The following CACNA2D3 variants were observed in gnomAD, a reference collection of about 807,000 sequenced individuals.
The protein encoded by CACNA2D3 is voltage-dependent calcium channel subunit alpha-2/delta-3.
Under a neutral mutation model 160.6 loss-of-function variants are expected in CACNA2D3, and 60 were observed. The ratio of observed to expected loss-of-function variants is 0.37; its 90% CI spans 0.30 to 0.46. The LOEUF is 0.46. Among genes scored for constraint, CACNA2D3 ranks in the 20% least tolerant of loss-of-function variants. The pLI is 1.00. For synonymous variants in CACNA2D3, 558 were observed against 492.9 expected, an observed-to-expected ratio of 1.13 and a Z score of -1.75; for missense variants, 1,205 against 1,365.0, an observed-to-expected ratio of 0.88 and a Z score of 1.85.
chr3:54,601,282 C>T (rs1280154827), intron 9 of CACNA2D3, among the ~76,000 whole-genome samples: 1 of 152,198 alleles, frequency 6.6e-6, no homozygotes, highest in African/African-American at 2.4e-5. Context: ...TAGCTCACTA[C>T]AGACTCAAAC....
chr3:54,777,920 A>G (rs1264269924), intron 13 of CACNA2D3, among the ~76,000 whole-genome samples: 1 of 152,208 alleles, frequency 6.6e-6, no homozygotes, highest in African/African-American at 2.4e-5. Flanking sequence ...AGTTTTCATA[A>G]ATAATTGAGC....
chr3:54,172,116 G>T (rs1700584943), intron 2 of CACNA2D3, among the ~76,000 whole-genome samples: 1 of 152,178 alleles, frequency 6.6e-6, no homozygotes, highest in Admixed American at 6.5e-5. Flanking sequence ...TGTTTGCCCT[G>T]CAGGTCTGCC....
intron 4 of CACNA2D3, among the ~76,000 whole-genome samples, chr3:54,463,863 C>T (rs987939376): frequency 3.3e-5 from 5 of 151,980 alleles, no homozygotes; most frequent in African/African-American, 1.2e-4. Context: ...TTTAGAGTTT[C>T]CAGTTTTTCT....
chr3:54,805,056 A>G lies in CACNA2D3; in HGVS notation c.1381-11797A>G, dbSNP rs190393618. 4.1e-3 allele frequency among the ~76,000 whole-genome samples: 623 copies of G among 152,326 alleles called. 6 individuals carry two copies. Among genetic ancestry groups the G allele is most frequent in the African/African-American group, 0.014 (589 of 41,570 alleles). On this transcript the variant is annotated intron_variant, in intron 13 of 37. Coordinates refer to ENST00000474759, the MANE Select transcript of CACNA2D3 (RefSeq NM_018398.3). ...CTGTGGGACACATTCAAAGCAGTGT[A>G]TAGAGGGAAATTTATAGCACTAAAT...
At chr3:55,035,646 C>A (rs1374823454) in intron 35 of CACNA2D3, among the ~76,000 whole-genome samples, 1 of 152,146 alleles carries the variant, frequency 6.6e-6, no homozygotes, top group Non-Finnish European at 1.5e-5. Context: ...TATGTCATTT[C>A]TCCGTTATAA....
rs181378028 is a variant in CACNA2D3 at position 54,570,988 on chromosome 3, G to A, written c.888+884G>A. Among the ~76,000 whole-genome samples the A allele has an allele frequency of 1.9e-3, 282 of 152,308 alleles. 1 individual carries two copies. Among genetic ancestry groups the A allele is most frequent in the Non-Finnish European group, 1.4e-3 (94 of 68,030 alleles). On this transcript the variant is annotated intron_variant, in intron 8 of 37. Transcript: ENST00000474759. Reference sequence around the variant, plus strand: ...GGTAGTTGGGCACCTGTTCAGCTTGGTTCACTGGTGCAGCTTGTTTTTCTA... The same window carrying A: ...GGTAGTTGGGCACCTGTTCAGCTTGATTCACTGGTGCAGCTTGTTTTTCTA...
chr3:55,054,281 C>G (rs1034139316), intron 35 of CACNA2D3, among the ~76,000 whole-genome samples: 14 of 151,790 alleles, frequency 9.2e-5, no homozygotes, highest in African/African-American at 3.4e-4. Flanking sequence ...GTTTGTTAGA[C>G]TACTTGGTAC....
At chr3:55,022,185 A>G (rs1323887139) in intron 35 of CACNA2D3, among the ~76,000 whole-genome samples, 3 of 151,440 alleles carry the variant, frequency 2.0e-5, no homozygotes, top group African/African-American at 7.2e-5. Context: ...TAGCTGCCTA[A>G]GAAATCATTC....
At chr3:54,820,762 C>G (rs959189193) in intron 14 of CACNA2D3, among the ~76,000 whole-genome samples, 8 of 152,108 alleles carry the variant, frequency 5.3e-5, no homozygotes, top group African/African-American at 1.7e-4. Flanking sequence ...AAAAATTCTT[C>G]TTTACTTCTA....
intron 2 of CACNA2D3, among the ~76,000 whole-genome samples, chr3:54,196,858 A>T (rs887827584): frequency 2.0e-5 from 3 of 152,220 alleles, no homozygotes; most frequent in Admixed American, 2.0e-4. Flanking sequence ...ATGTAAGATA[A>T]TGCATGCGTC....
intron 5 of CACNA2D3, among the ~76,000 whole-genome samples, chr3:54,535,096 T>C (rs1701867933): frequency 6.6e-6 from 1 of 152,202 alleles, no homozygotes; most frequent in African/African-American, 2.4e-5. Flanking sequence ...AGGGCTTTGG[T>C]TCATTCTCTG....
intron 4 of CACNA2D3, among the ~76,000 whole-genome samples, chr3:54,445,655 A>AG (rs1408386837): frequency 1.3e-5 from 2 of 151,046 alleles, no homozygotes; most frequent in Admixed American, 6.6e-5. Context: ...CTAGGAGGGG[A>AG]GGAGGTAGGG....
chr3:54,381,589 C>T (rs1699103500), intron 3 of CACNA2D3, among the ~76,000 whole-genome samples: 1 of 152,192 alleles, frequency 6.6e-6, no homozygotes, highest in African/African-American at 2.4e-5. Flanking sequence ...AAAGTTTGAC[C>T]TCTACCATGT....
At chr3:54,502,307 C>T (rs953574116) in intron 4 of CACNA2D3, among the ~76,000 whole-genome samples, 1 of 152,018 alleles carries the variant, frequency 6.6e-6, no homozygotes, top group Non-Finnish European at 1.5e-5. Context: ...ATATTCTGTT[C>T]CCTTTCTATT....
At chr3:54,141,442 A>G (rs1037281690) in intron 2 of CACNA2D3, among the ~76,000 whole-genome samples, 1 of 152,182 alleles carries the variant, frequency 6.6e-6, no homozygotes, top group Non-Finnish European at 1.5e-5. Context: ...TCCCGAGGCA[A>G]TGGTCTATGA....
intron 4 of CACNA2D3, among the ~76,000 whole-genome samples, chr3:54,487,801 A>G (rs944602865): frequency 6.6e-6 from 1 of 152,346 alleles, no homozygotes; most frequent in East Asian, 1.9e-4. Flanking sequence ...TTAAAATGAA[A>G]TAAGAGTAAA....
intron 3 of CACNA2D3, among the ~76,000 whole-genome samples, chr3:54,352,638 T>A (rs1398272101): frequency 6.6e-6 from 1 of 152,192 alleles, no homozygotes; most frequent in East Asian, 1.9e-4. Context: ...CCATGCTGGA[T>A]GGCACAAAGC....
chr3:54,739,599 G>A (rs1559565033), intron 11 of CACNA2D3, among the ~76,000 whole-genome samples: 1 of 151,980 alleles, frequency 6.6e-6, no homozygotes. Context: ...AAAGGAATAG[G>A]ATGATTTTGC....
intron 9 of CACNA2D3, among the ~76,000 whole-genome samples, chr3:54,583,177 A>G (rs755827866): frequency 5.3e-5 from 8 of 152,218 alleles, no homozygotes; most frequent in Non-Finnish European, 1.0e-4. Context: ...CAGAGCCTCA[A>G]ATAGGTGTTC....
Sources: gnomAD v4.1 joint callset for allele counts (sites outside exome capture counted in the v4.1 genomes callset) on GRCh38, gnomAD v4.1.1 for gene constraint, MANE v1.5 for transcripts, NCBI Gene and HGNC (gene_info 2026-07-23, HGNC 2026-07-21) for gene names.